Variants in REDIC1 observed in about 807,000 individuals in gnomAD.
REDIC1 encodes HEI10 Interacting Protein 1.
At chr12:39,858,675 C>T in the REDIC1 span, among the ~76,000 whole-genome samples, 3 of 152,122 alleles carry the variant, frequency 2.0e-5, no homozygotes, top group Admixed American at 6.5e-5. Context: ...GGCACGATCT[C>T]GGCTCACTGC....
At chr12:39,776,325 GT>G in the REDIC1 span, among the ~76,000 whole-genome samples, 2 of 152,200 alleles carry the variant, frequency 1.3e-5, no homozygotes, top group East Asian at 3.9e-4. Flanking sequence ...CAGCTGAGTG[GT>G]CCCCCTCGCC....
At chr12:39,719,961 C>A in the REDIC1 span, among the ~76,000 whole-genome samples, 17 of 151,992 alleles carry the variant, frequency 1.1e-4, no homozygotes, top group Admixed American at 2.0e-4. Context: ...AAAGCCTATA[C>A]CCCTTTTTAT....
At chr12:39,906,748 T>C in the REDIC1 span, among the ~76,000 whole-genome samples, 1 of 152,050 alleles carries the variant, frequency 6.6e-6, no homozygotes, top group Non-Finnish European at 1.5e-5. Flanking sequence ...GAGAGCTACT[T>C]AAATGTGGGG....
At chr12:39,785,388 G>A in the REDIC1 span, among the ~76,000 whole-genome samples, 85 of 152,344 alleles carry the variant, frequency 5.6e-4, 1 homozygote, top group Admixed American at 1.4e-3. Context: ...GCCTGTGGGT[G>A]CACAGAAGTC....
At chr12:39,844,318 C>G in the REDIC1 span, among the ~76,000 whole-genome samples, 1 of 151,964 alleles carries the variant, frequency 6.6e-6, no homozygotes, top group African/African-American at 2.4e-5. Flanking sequence ...GTCATAGTAA[C>G]AGCTATGGAG....
At chr12:39,728,626 G>C in the REDIC1 span, among the ~76,000 whole-genome samples, 1 of 152,154 alleles carries the variant, frequency 6.6e-6, no homozygotes, top group African/African-American at 2.4e-5. Context: ...TTGTGTCTCT[G>C]CCAGGTTTTG....
the REDIC1 span, among the ~76,000 whole-genome samples, chr12:39,680,168 G>T: frequency 6.6e-6 from 1 of 152,088 alleles, no homozygotes; most frequent in Non-Finnish European, 1.5e-5. Flanking sequence ...CACAGCAAAA[G>T]AAATAATCAG....
chr12:39,827,260 A>T, the REDIC1 span, among the ~76,000 whole-genome samples: 1 of 151,826 alleles, frequency 6.6e-6, no homozygotes, highest in South Asian at 2.1e-4. Context: ...GAGAACACAC[A>T]CTCCCTCATA....
chr12:39,782,300 G>A, the REDIC1 span, among the ~76,000 whole-genome samples: 2 of 152,178 alleles, frequency 1.3e-5, no homozygotes, highest in Non-Finnish European at 2.9e-5. Context: ...GAATTCCTAC[G>A]TGTTGTGGAA....
At chr12:39,703,806 C>T in the REDIC1 span, among the ~76,000 whole-genome samples, 1 of 152,050 alleles carries the variant, frequency 6.6e-6, no homozygotes, top group African/African-American at 2.4e-5. Flanking sequence ...CTTTGACAAG[C>T]CTGACAAAAG....
the REDIC1 span, among the ~76,000 whole-genome samples, chr12:39,906,184 T>C: frequency 1.3e-5 from 2 of 152,192 alleles, no homozygotes. Context: ...CCTATAGGTT[T>C]AATAATCCCA....
the REDIC1 span, among the ~76,000 whole-genome samples, chr12:39,856,021 T>G: frequency 6.6e-6 from 1 of 152,276 alleles, no homozygotes; most frequent in East Asian, 1.9e-4. Context: ...ATAGAAGGTA[T>G]TGCTAATCAT....
At chr12:39,891,921 T>C in the REDIC1 span, among the ~76,000 whole-genome samples, 5 of 152,242 alleles carry the variant, frequency 3.3e-5, no homozygotes, top group Non-Finnish European at 2.9e-5. Flanking sequence ...AAAAAAATTA[T>C]TGATACCATA....
At chr12:39,648,045 T>G in the REDIC1 span, 1 of 1,103,012 alleles carries the variant, frequency 9.1e-7, no homozygotes, top group Non-Finnish European at 1.2e-6. Context: ...TTTTTTCTTT[T>G]TATAGATTTA....
At chr12:39,662,052 T>G in the REDIC1 span, among the ~76,000 whole-genome samples, 1 of 152,170 alleles carries the variant, frequency 6.6e-6, no homozygotes, top group Non-Finnish European at 1.5e-5. Flanking sequence ...ACTATAGCCT[T>G]GTAATATATT....
At chr12:39,750,510 C>A in the REDIC1 span, among the ~76,000 whole-genome samples, 3 of 152,120 alleles carry the variant, frequency 2.0e-5, no homozygotes, top group Non-Finnish European at 4.4e-5. Flanking sequence ...AGATTCAATG[C>A]CATCCCCATC....
chr12:39,813,805 A>C, the REDIC1 span, among the ~76,000 whole-genome samples: 1 of 152,200 alleles, frequency 6.6e-6, no homozygotes, highest in African/African-American at 2.4e-5. Flanking sequence ...TAAAATAGCA[A>C]TTAAAAAGAT....
At chr12:39,705,439 G>C in the REDIC1 span, among the ~76,000 whole-genome samples, 1 of 151,924 alleles carries the variant, frequency 6.6e-6, no homozygotes, top group Non-Finnish European at 1.5e-5. Context: ...GGAGGATGAG[G>C]GACTACTTCC....
the REDIC1 span, among the ~76,000 whole-genome samples, chr12:39,740,246 G>A: frequency 6.6e-6 from 1 of 152,134 alleles, no homozygotes; most frequent in Non-Finnish European, 1.5e-5. Flanking sequence ...AGAGTTGGGG[G>A]GAGTAGCACA....
Sources: allele counts gnomAD v4.1 joint callset (sites outside exome capture counted in the v4.1 genomes callset), GRCh38; gene constraint gnomAD v4.1.1; transcripts MANE v1.5; gene names NCBI Gene and HGNC (gene_info 2026-07-23, HGNC 2026-07-21).